The following MOCS1 variants were observed in gnomAD, a reference collection of about 807,000 sequenced individuals.
MOCS1 encodes molybdenum cofactor synthesis 1, also known as molybdenum cofactor biosynthesis protein 1.
Under a neutral mutation model 57.6 loss-of-function variants are expected in MOCS1, and 39 were observed. The ratio of observed to expected loss-of-function variants is 0.68; its 90% CI spans 0.52 to 0.88. The LOEUF (loss-of-function observed/expected upper bound fraction) is 0.88. Among genes scored for constraint, MOCS1 ranks in the 40% least tolerant of loss-of-function variants. MOCS1 has a pLI of 0.00. For missense variants in MOCS1, 795 were observed against 831.1 expected (o/e 0.96, Z 0.53); for synonymous variants, 334 against 335.7 (o/e 1.00, Z 0.05).
At chr6:39,913,164 C>T (rs907860847) in intron 6 of MOCS1, among the ~76,000 whole-genome samples, 153 bp downstream of exon 6, 8 of 152,120 alleles carry the variant, frequency 5.3e-5, no homozygotes, top group Non-Finnish European at 1.0e-4. Context: ...GATTGAATCA[C>T]ATCCACAGCG....
intron 10 of MOCS1, among the ~76,000 whole-genome samples, chr6:39,908,651 T>C (rs369090281): frequency 3.9e-4 from 59 of 152,284 alleles, no homozygotes; most frequent in African/African-American, 1.1e-3. Context: ...ATGGTCCAGA[T>C]ACACCGTGCA....
Position 39,912,993 on chromosome 6 carries a change from T to A in MOCS1, c.769A>T (p.Asn257Tyr). 1 of 1,614,128 alleles carries A rather than the reference T, an allele frequency of 6.2e-7. No homozygotes were observed. The highest frequency in any genetic ancestry group is 1.3e-5 in the African/African-American group (1 of 75,034). Reference sequence around the variant, plus strand: ...TTATAGCTGACCATCTTCTTGAAGTTCCACTTGTTGCCTGTATTCGGGATG... The same window carrying A: ...TTATAGCTGACCATCTTCTTGAAGTACCACTTGTTGCCTGTATTCGGGATG... ...EYMPFDGNKWNFKKMVSYKEM... is the reference protein window; with the variant it reads ...EYMPFDGNKWYFKKMVSYKEM... The change falls in exon 7 of 11, where the codon AAC (asparagine) becomes TAC (tyrosine). Residue 257 changes from asparagine to tyrosine, a missense_variant. Physicochemically the swap from Asn to Tyr is moderately radical, Grantham distance 143. Transcript: ENST00000340692.
At position 39,909,860 on chromosome 6, in the gene MOCS1, C is replaced by T; in HGVS notation, c.1077G>A (p.Val359=). The change falls in exon 9 of 11, where the codon GTG becomes GTA. Residue 359 remains valine (V), a synonymous_variant. Transcript: ENST00000340692. The stretch of plus-strand genomic sequence containing the variant: ...CTGCATGCTGCCGCTTCTTCCTGCC[C>T]ACAGCAGCCCCAATGATTCTCAGCA... ...QELLRIIGAA[V]GRKKRQHAGM... 6.2e-7 allele frequency: 1 copy of T among 1,613,774 alleles called. No homozygotes were observed. Among genetic ancestry groups the T allele is most frequent in the Non-Finnish European group, 8.5e-7 (1 of 1,180,020 alleles).
chr6:39,904,837 T>C lies in MOCS1; in HGVS notation c.*1520A>G. On this transcript the variant is annotated 3_prime_UTR_variant, in exon 11 of 11. Coordinates refer to ENST00000340692, the MANE Select transcript of MOCS1 (RefSeq NM_001358530.2). ...TTTTTATAAGAATATATTGTAATAC[T>C]AAAAAATATTAAATTCATACCATCC... The C allele has an allele frequency of 2.2e-6, 1 of 454,082 alleles. No homozygotes were observed. The highest frequency in any genetic ancestry group is 6.9e-5 in the East Asian group (1 of 14,392). 28.1% of individuals were successfully genotyped at this position (454,082 alleles called of 1,614,324 possible).
intron 1 of MOCS1, chr6:39,927,673 G>A: frequency 6.4e-7 from 1 of 1,554,424 alleles, no homozygotes; most frequent in Non-Finnish European, 8.7e-7. Flanking sequence ...ATTCAGCTTG[G>A]GGGTCGGGGG....
intron 3 of MOCS1, among the ~76,000 whole-genome samples, chr6:39,919,277 G>C (rs935414366): frequency 6.6e-6 from 1 of 152,118 alleles, no homozygotes; most frequent in Non-Finnish European, 1.5e-5. Context: ...TTGAGGTCAG[G>C]AGTTCAAGAC....
chr6:39,909,732 C>A, intron 9 of MOCS1, 103 bp downstream of exon 9: 6 of 1,521,296 alleles, frequency 3.9e-6, no homozygotes, highest in Non-Finnish European at 5.4e-6. Context: ...CGCCAGCTTC[C>A]CCCTAGGTGT....
intron 1 of MOCS1, among the ~76,000 whole-genome samples, chr6:39,933,770 A>G (rs1312980855): frequency 6.6e-6 from 1 of 152,072 alleles, no homozygotes; most frequent in Non-Finnish European, 1.5e-5. Context: ...AACCCTCCCA[A>G]GGTTAATAAA....
intron 4 of MOCS1, 28 bp from the exon 5 acceptor site, chr6:39,913,863 A>C (rs1344144260): frequency 6.2e-7 from 1 of 1,610,216 alleles, no homozygotes; most frequent in Non-Finnish European, 8.5e-7. Context: ...GGATCCAGGA[A>C]CTTCTGTCCT....
At position 39,916,235 on chromosome 6, in the gene MOCS1, G is replaced by A; in HGVS notation, c.419-3C>T. On this transcript the variant is annotated splice_region_variant and splice_polypyrimidine_tract_variant and intron_variant, in intron 3 of 10. Coordinates refer to ENST00000340692, the MANE Select transcript of MOCS1 (RefSeq NM_001358530.2). ...CCCTTCCAGCCGCTGGAGCTGGGCT[G>A]TAAGGACAACAGAAAGGGGGTCAGA... 3 of 1,613,514 alleles carry A rather than the reference G, an allele frequency of 1.9e-6. No individual in the cohort carries two copies. The highest frequency in any genetic ancestry group is 2.5e-6 in the Non-Finnish European group (3 of 1,179,980).
intron 1 of MOCS1, among the ~76,000 whole-genome samples, chr6:39,928,167 CTTT>C (rs769365209): frequency 2.8e-5 from 4 of 141,308 alleles, no homozygotes; most frequent in Non-Finnish European, 1.6e-5. Context: ...ATTCCAGGTT[CTTT>C]TTTTTTTTTT....
Position 39,925,814 on chromosome 6 carries a change from C to T in MOCS1, c.282G>A (p.Pro94=), listed in dbSNP as rs145146059. The T allele has an allele frequency of 3.5e-4, 562 of 1,612,532 alleles. 1 individual carries two copies. The highest frequency in any genetic ancestry group is 2.1e-3 in the Middle Eastern group (13 of 6,058). Residue 94 remains proline (P), a synonymous_variant, in exon 3 of 11, where the codon CCG becomes CCA. Coordinates refer to ENST00000340692, the MANE Select transcript of MOCS1 (RefSeq NM_001358530.2). ...CQYCMPEEGV[P]LTPKANLLTT... is the part of the protein sequence containing the mutation. ...TCAGCAGGTTGGCTTTGGGGGTCAG[C>T]GGGACCCCCTCCTCGGGCATGCAGT... is the stretch of plus-strand genomic sequence containing the variant.
intron 8 of MOCS1, among the ~76,000 whole-genome samples, chr6:39,910,258 T>C (rs1044186135): frequency 1.3e-5 from 2 of 152,222 alleles, no homozygotes; most frequent in African/African-American, 2.4e-5. Context: ...TCCAGATCTC[T>C]ACCTTCTGAG....
chr6:39,906,566 G>A lies in MOCS1; in HGVS notation c.1702C>T (p.Leu568=). ...ALSHIQVQLE[L]DSTRHAVKIQ... ...TTCACGGCATGGCGTGTGCTGTCCA[G>A]CTCCAGCTGCACCTGGATGTGGCTC... The change falls in exon 11 of 11, where the codon CTG becomes TTG. Residue 568 remains leucine (L), a synonymous_variant. Transcript: ENST00000340692. 2 of 1,613,786 alleles carry A rather than the reference G, an allele frequency of 1.2e-6. No individual in the cohort carries two copies. The highest frequency in any genetic ancestry group is 1.7e-6 in the Non-Finnish European group (2 of 1,180,042).
intron 3 of MOCS1, among the ~76,000 whole-genome samples, chr6:39,918,199 C>T (rs1471316119): frequency 6.6e-6 from 1 of 152,238 alleles, no homozygotes; most frequent in Non-Finnish European, 1.5e-5. Flanking sequence ...TACACCCTTC[C>T]AGCCACCAGA....
chr6:39,925,908 C>T, intron 2 of MOCS1, 63 bp from the exon 3 acceptor site: 1 of 1,515,836 alleles, frequency 6.6e-7, no homozygotes, highest in South Asian at 1.3e-5. Context: ...CCCCGTGATG[C>T]CTCCACTCCC....
Position 39,906,269 on chromosome 6 carries a change from G to A in MOCS1, c.*88C>T. 1 of 1,522,676 alleles carries A rather than the reference G, an allele frequency of 6.6e-7. No individual in the cohort carries two copies. Among genetic ancestry groups the A allele is most frequent in the Non-Finnish European group, 9.1e-7 (1 of 1,101,106 alleles). The allele number at this position is 1,522,676 out of a possible 1,614,324, so 94.3% of individuals were successfully genotyped here. ...TGCTCAAGGTAAACAAACAGTGACTGTGATTAAAGGAACCTGACGTCTTTC... is the reference window on the plus strand; with the variant it reads ...TGCTCAAGGTAAACAAACAGTGACTATGATTAAAGGAACCTGACGTCTTTC... On this transcript the variant is annotated 3_prime_UTR_variant, in exon 11 of 11. Transcript: ENST00000340692.
At chr6:39,927,936 TC>T (rs1768430893) in intron 1 of MOCS1, among the ~76,000 whole-genome samples, 1 of 151,770 alleles carries the variant, frequency 6.6e-6, no homozygotes, top group South Asian at 2.1e-4. Context: ...CTGATCCGTC[TC>T]CCCCTGACCT....
rs1167234629 is a variant in MOCS1 at position 39,934,311 on chromosome 6, G to A, written c.107C>T (p.Ala36Val). Residue 36 changes from alanine to valine, a missense_variant, in exon 1 of 11, where the codon GCG (alanine) becomes GTG (valine). This residue lies in a region of MOCS1 where 416 missense variants were observed against 392.4 expected (regional missense o/e 1.06). Coordinates refer to ENST00000340692, the MANE Select transcript of MOCS1 (RefSeq NM_001358530.2). ...PVTQPCPGES[A>V]RAASEEVSRR... ...TGGGCTCACCTCCGAGGCAGCTCGC[G>A]CGGACTCCCCGGGGCAGGGCTGGGT... 1.3e-6 allele frequency: 2 copies of A among 1,546,928 alleles called. No individual in the cohort carries two copies. Among genetic ancestry groups the A allele is most frequent in the South Asian group, 1.2e-5 (1 of 84,582 alleles).
Sources: allele counts gnomAD v4.1 joint callset (sites outside exome capture counted in the v4.1 genomes callset), GRCh38; gene constraint gnomAD v4.1.1; regional missense constraint gnomAD v4.1.1; transcripts MANE v1.5; gene names NCBI Gene and HGNC (gene_info 2026-07-23, HGNC 2026-07-21).